SYTL2: variants seen among roughly 807,000 people sequenced by gnomAD.
SYTL2 encodes synaptotagmin-like protein 2.
Under a neutral mutation model 198.7 loss-of-function variants are expected in SYTL2, and 165 were observed. The ratio of observed to expected loss-of-function variants is 0.83; its 90% CI spans 0.73 to 0.94. SYTL2 has a LOEUF of 0.94. SYTL2 is among the 40% of genes least tolerant of loss of function. The pLI, the probability that SYTL2 is intolerant of heterozygous loss-of-function variation, is 0.00. For missense variants in SYTL2, 2,835 were observed against 2,582.8 expected (o/e 1.10, Z -2.12); for synonymous variants, 966 against 917.7 (o/e 1.05, Z -0.95).
At position 85,733,956 on chromosome 11, in the gene SYTL2, A is replaced by G. The variant is rs758856601; in HGVS notation, c.1373T>C (p.Leu458Ser). The change falls in exon 7 of 20, where the codon TTA becomes TCA. Residue 458 changes from leucine to serine, a missense_variant. Physicochemically the swap from Leu to Ser is moderately radical, Grantham distance 145. Around this residue, in one of 3 missense-constraint regions of SYTL2, gnomAD observed 2,645 missense variants for 2,381.7 expected, o/e 1.11. Coordinates refer to ENST00000359152, the MANE Select transcript of SYTL2 (RefSeq NM_206927.4). ...TCTCTTACCAGCAGGGCTTCTGGGT[A>G]ATACAGATTCAAGCCTTGTTAATTC... ...SSELTRLESV[L>S]PRSPADELSH... is the part of the protein sequence containing the mutation. 6.8e-6 allele frequency: 11 copies of G among 1,613,898 alleles called. No homozygotes were observed. The highest frequency in any genetic ancestry group is 1.7e-5 in the Admixed American group (1 of 60,000).
Position 85,734,729 on chromosome 11 carries a change from CTCTGACAATTCA to C in SYTL2, c.588_599del (p.Asp196_Ser199del). Reference sequence around the variant, plus strand: ...CTGCGACAGTTGACTTTTCTTTTGACTCTGACAATTCATCTGAAAATTAAAACACAGTAGGTG... The same window carrying C: ...CTGCGACAGTTGACTTTTCTTTTGACTCTGAAAATTAAAACACAGTAGGTG... On this transcript the variant is annotated inframe_deletion and splice_region_variant, in exon 7 of 20. Coordinates refer to ENST00000359152, the MANE Select transcript of SYTL2 (RefSeq NM_206927.4). 6.2e-7 allele frequency: 1 copy of C among 1,611,078 alleles called. No homozygotes were observed. The highest frequency in any genetic ancestry group is 8.5e-7 in the Non-Finnish European group (1 of 1,178,864).
chr11:85,833,472 G>A, the SYTL2 span, among the ~76,000 whole-genome samples: 6 of 149,926 alleles, frequency 4.0e-5, no homozygotes, highest in Non-Finnish European at 5.9e-5. Flanking sequence ...TTTTTAAGTA[G>A]AGGAAAGTGA....
chr11:85,790,448 A>G (rs1019795163), intron 1 of SYTL2, among the ~76,000 whole-genome samples: 3 of 152,216 alleles, frequency 2.0e-5, no homozygotes, highest in African/African-American at 7.2e-5. Context: ...CATAATATAA[A>G]GCATAACTAT....
chr11:85,707,956 C>CAAAAA (rs11464135), intron 14 of SYTL2: 151 of 85,774 alleles, frequency 1.8e-3, no homozygotes, highest in South Asian at 5.9e-3. Context: ...AGGCTGGTCT[C>CAAAAA]AAAAAAAAAA....
upstream of SYTL2, among the ~76,000 whole-genome samples, chr11:85,811,338 C>G (rs2153667408): frequency 6.6e-6 from 1 of 152,268 alleles, no homozygotes; most frequent in East Asian, 1.9e-4. Context: ...GCCCTCCGCC[C>G]CCGCCTGCTG....
intron 18 of SYTL2, 124 bp from the exon 19 acceptor site, chr11:85,696,512 G>T: frequency 1.2e-6 from 1 of 824,624 alleles, no homozygotes; most frequent in Non-Finnish European, 2.0e-6. Context: ...AGATAGTGGT[G>T]GTGGTGGTTT....
the SYTL2 span, among the ~76,000 whole-genome samples, chr11:85,829,134 GGT>G: frequency 6.6e-6 from 1 of 151,954 alleles, no homozygotes; most frequent in Non-Finnish European, 1.5e-5. Context: ...TTGTTATGGG[GGT>G]ATATTATGTG....
the SYTL2 span, among the ~76,000 whole-genome samples, chr11:85,830,160 G>C: frequency 6.6e-6 from 1 of 152,172 alleles, no homozygotes; most frequent in Non-Finnish European, 1.5e-5. Context: ...ACAGATTTTT[G>C]AGTACCACTC....
At chr11:85,825,785 G>A in the SYTL2 span, among the ~76,000 whole-genome samples, 33 of 152,334 alleles carry the variant, frequency 2.2e-4, no homozygotes, top group East Asian at 7.7e-4. Context: ...GTCATTTCCC[G>A]TTAGTGTAAT....
At position 85,698,041 on chromosome 11, in the gene SYTL2, C is replaced by G. The variant is rs576147747; in HGVS notation, c.6306G>C (p.Trp2102Cys). The G allele has an allele frequency of 1.4e-5, 23 of 1,613,888 alleles. No individual in the cohort carries two copies. The South Asian group carries it at 2.4e-4, about 17-fold the overall frequency. Residue 2102 changes from tryptophan (W) to cysteine (C), a missense_variant, in exon 18 of 20, where the codon TGG becomes TGC. This residue lies in a region of SYTL2 where 185 missense variants were observed against 182.1 expected (regional missense o/e 1.02). Coordinates refer to ENST00000359152, the MANE Select transcript of SYTL2 (RefSeq NM_206927.4). ...KLPTTGEVHIWVKECLDLPLL... is the reference protein window; with the variant it reads ...KLPTTGEVHICVKECLDLPLL... ...GTGGTAGATCAAGGCATTCCTTCAC[C>G]CAGATGTGCACTTCTCCAGTTGTAG...
intron 1 of SYTL2, among the ~76,000 whole-genome samples, chr11:85,766,879 C>G (rs2092253763): frequency 6.6e-6 from 1 of 152,152 alleles, no homozygotes; most frequent in Non-Finnish European, 1.5e-5. Context: ...ACAGCACACT[C>G]TACAGTGACA....
chr11:85,807,798 T>C (rs1019105271), intron 1 of SYTL2, among the ~76,000 whole-genome samples: 2 of 152,192 alleles, frequency 1.3e-5, no homozygotes, highest in Non-Finnish European at 2.9e-5. Context: ...TCCCACAAGA[T>C]AAATACAGGG....
At position 85,724,598 on chromosome 11, in the gene SYTL2, A is replaced by C; in HGVS notation, c.4760T>G (p.Val1587Gly). ...CTCCTTCTCGTGAGTTTCTTCTCTC[A>C]CTGACACCTGGGGCTGATAAGGAGG... ...EAPPYQPQVS[V>G]REETHEKESS... The change falls in exon 8 of 20, where the codon GTG becomes GGG. Residue 1587 changes from valine (V) to glycine (G), a missense_variant. By Grantham distance (109) the Val-to-Gly change is moderately radical. This residue lies in a region of SYTL2 where 2,645 missense variants were observed against 2,381.7 expected (regional missense o/e 1.11). Coordinates refer to ENST00000359152, the MANE Select transcript of SYTL2 (RefSeq NM_206927.4). The C allele has an allele frequency of 6.2e-7, 1 of 1,613,042 alleles. No individual in the cohort carries two copies. The highest frequency in any genetic ancestry group is 8.5e-7 in the Non-Finnish European group (1 of 1,179,716).
chr11:85,840,446 C>A, the SYTL2 span, among the ~76,000 whole-genome samples: 4 of 151,982 alleles, frequency 2.6e-5, no homozygotes, highest in Non-Finnish European at 5.9e-5. Flanking sequence ...TGGGTATTGT[C>A]AAAAAATATC....
intron 4 of SYTL2, among the ~76,000 whole-genome samples, chr11:85,741,479 C>T (rs6592261): frequency 0.034 from 5,132 of 152,202 alleles, 289 homozygotes; most frequent in African/African-American, 0.12. Flanking sequence ...CTTACTACAA[C>T]TGATATGAGT....
intron 2 of SYTL2, among the ~76,000 whole-genome samples, chr11:85,750,794 G>A (rs893186309): frequency 6.6e-6 from 1 of 151,978 alleles, no homozygotes; most frequent in Non-Finnish European, 1.5e-5. Flanking sequence ...AATGAATGGT[G>A]TCTCCTCCTG....
chr11:85,776,753 G>A (rs2092458464), intron 1 of SYTL2, among the ~76,000 whole-genome samples: 1 of 152,144 alleles, frequency 6.6e-6, no homozygotes, highest in Non-Finnish European at 1.5e-5. Context: ...ATAATCCTTT[G>A]GGTATATGCC....
At chr11:85,728,152 C>G (rs1483798374) in intron 7 of SYTL2, 185 bp from the exon 8 acceptor site, 1 of 554,302 alleles carries the variant, frequency 1.8e-6, no homozygotes, top group East Asian at 2.9e-5. Context: ...ACCAAAGGTG[C>G]CCTATGACAG....
At chr11:85,728,806 T>G (rs1324338130) in intron 7 of SYTL2, among the ~76,000 whole-genome samples, 1 of 152,186 alleles carries the variant, frequency 6.6e-6, no homozygotes, top group Admixed American at 6.5e-5. Context: ...AGGAATTTTA[T>G]CCACAATATT....
Sources: allele counts gnomAD v4.1 joint callset (sites outside exome capture counted in the v4.1 genomes callset), GRCh38; gene constraint gnomAD v4.1.1; regional missense constraint gnomAD v4.1.1; transcripts MANE v1.5; gene names NCBI Gene and HGNC (gene_info 2026-07-23, HGNC 2026-07-21).